Variants in MYBPC1 observed in about 807,000 individuals in gnomAD.
The protein encoded by MYBPC1 is myosin-binding protein C, slow-type.
MYBPC1 carries 52 observed loss-of-function variants against 147.1 expected under a neutral mutation model. The ratio of observed to expected loss-of-function variants is 0.35; its 90% CI spans 0.28 to 0.45. MYBPC1 has a LOEUF of 0.45. MYBPC1 is among the 20% of genes least tolerant of loss of function. The pLI is 1.00. For synonymous variants in MYBPC1, 477 were observed against 475.9 expected (o/e 1.00, Z -0.03); for missense variants, 1,228 against 1,440.3 (o/e 0.85, Z 2.39).
intron 29 of MYBPC1, among the ~76,000 whole-genome samples, chr12:101,682,121 C>A (rs1453818401): frequency 3.3e-5 from 5 of 151,834 alleles, no homozygotes. Context: ...AATTGCAAGT[C>A]ATCTGGTTTC....
chr12:101,632,477 G>A (rs1890113602), intron 8 of MYBPC1, among the ~76,000 whole-genome samples: 1 of 152,142 alleles, frequency 6.6e-6, no homozygotes, highest in Non-Finnish European at 1.5e-5. Context: ...AGGGTAATAT[G>A]CTATGAGAGT....
intron 15 of MYBPC1, among the ~76,000 whole-genome samples, chr12:101,650,377 C>G (rs825048): frequency 0.58 from 87,475 of 151,810 alleles, 26,147 homozygotes; most frequent in African/African-American, 0.74. Flanking sequence ...AAGGAAAAAG[C>G]TTCAGTTGAC....
Position 101,595,059 on chromosome 12 carries a change from C to T in MYBPC1, c.-12C>T. 6.2e-7 allele frequency: 1 copy of T among 1,612,838 alleles called. No homozygotes were observed. Among genetic ancestry groups the T allele is most frequent in the Non-Finnish European group, 8.5e-7 (1 of 1,179,016 alleles). ...AAGGAGACTCTTTAAAGAATAACAT[C>T]TTATTGTGGCCATGCCAGAACCCAC... is the stretch of plus-strand genomic sequence containing the variant. On this transcript the variant is annotated 5_prime_UTR_variant, in exon 1 of 32. Transcript: ENST00000361466.
chr12:101,673,709 T>C, intron 25 of MYBPC1, 87 bp downstream of exon 25: 2 of 1,419,826 alleles, frequency 1.4e-6, no homozygotes, highest in Non-Finnish European at 2.0e-6. Flanking sequence ...GCAGGAGTTT[T>C]GTTAGGCTGG....
chr12:101,668,155 G>T (rs768828180), intron 23 of MYBPC1, among the ~76,000 whole-genome samples: 8 of 152,140 alleles, frequency 5.3e-5, no homozygotes, highest in Non-Finnish European at 8.8e-5. Flanking sequence ...GCCAACTCTG[G>T]CTGGGCTGCC....
the MYBPC1 span, among the ~76,000 whole-genome samples, chr12:101,692,022 A>T: frequency 6.6e-6 from 1 of 152,222 alleles, no homozygotes; most frequent in Non-Finnish European, 1.5e-5. Context: ...GTGGAATCTG[A>T]GTGATGGGCA....
rs923087453 is a variant in MYBPC1, at chr12:101,631,920, C to T, written c.439-101C>T. 5.4e-6 allele frequency: 7 copies of T among 1,307,998 alleles called. No homozygotes were observed. The African/African-American group carries it at 8.7e-5, about 16-fold the overall frequency. The allele number at this position is 1,307,998 out of a possible 1,614,324, so 81.0% of individuals were successfully genotyped here. On this transcript the variant is annotated intron_variant, in intron 7 of 31. Transcript: ENST00000361466. Reference sequence around the variant, plus strand: ...CACATTTGCCCTCCTATAGTGAGAACATTGTACTGGAATTCCCACAGACAG... The same window carrying T: ...CACATTTGCCCTCCTATAGTGAGAATATTGTACTGGAATTCCCACAGACAG...
At position 101,663,435 on chromosome 12, in the gene MYBPC1, G is replaced by A; in HGVS notation, c.2231G>A (p.Ser744Asn). 3 of 1,613,478 alleles carry A rather than the reference G, an allele frequency of 1.9e-6. No individual in the cohort carries two copies. The highest frequency in any genetic ancestry group is 2.5e-6 in the Non-Finnish European group (3 of 1,179,582). ...SRPFVPLAVT[S>N]PPTLLTVDSV... ...CTCTTTTATCTTTAAGCTGTAACAA[G>A]CCCTCCTACTCTTCTGACTGTGGAC... The change falls in exon 22 of 32, where the codon AGC becomes AAC. Residue 744 changes from serine to asparagine, a missense_variant. By Grantham distance (46) the Ser-to-Asn change is conservative. This residue lies in a region of MYBPC1 where 1,077 missense variants were observed against 1,314.2 expected (regional missense o/e 0.82). Coordinates refer to ENST00000361466, the MANE Select transcript of MYBPC1 (RefSeq NM_002465.4).
chr12:101,617,391 A>G lies in MYBPC1; in HGVS notation c.103+148A>G, dbSNP rs1886374760. 3 of 771,986 alleles carry G rather than the reference A, an allele frequency of 3.9e-6. No homozygotes were observed. The East Asian group carries it at 8.1e-5, about 21-fold the overall frequency. The allele number at this position is 771,986 out of a possible 1,614,324, so 47.8% of individuals were successfully genotyped here. A position where few individuals can be genotyped will look rare whatever the true frequency, so the allele number is the denominator to read the frequency against. On this transcript the variant is annotated intron_variant, in intron 3 of 31. Coordinates refer to ENST00000361466, the MANE Select transcript of MYBPC1 (RefSeq NM_002465.4). ...ATCTTATCTGCAAGTCCCAATCAGT[A>G]TAATGACAAATGGTGCATTGCTAAG...
Position 101,680,426 on chromosome 12 carries a change from C to G in MYBPC1, c.3330C>G (p.Thr1110=), listed in dbSNP as rs368046476. 6.2e-7 allele frequency: 1 copy of G among 1,613,954 alleles called. No homozygotes were observed. The highest frequency in any genetic ancestry group is 8.5e-7 in the Non-Finnish European group (1 of 1,179,984). ...YRMFSNQGVC[T]LEIRKPSPYD... is the part of the protein sequence containing the mutation. ...TGTTCAGCAACCAGGGAGTCTGTAC[C>G]CTGGAAATTCGCAAGCCCAGCCCCT... The change falls in exon 29 of 32, where the codon ACC becomes ACG. Residue 1110 remains threonine (T), a synonymous_variant. Transcript: ENST00000361466.
chr12:101,666,811 T>G, intron 22 of MYBPC1: 1 of 1,610,878 alleles, frequency 6.2e-7, no homozygotes, highest in South Asian at 1.1e-5. Context: ...AAGTATTCCG[T>G]GAAGCTCTCA....
intron 25 of MYBPC1, 73 bp from the exon 26 acceptor site, chr12:101,675,219 A>AT: frequency 6.3e-7 from 1 of 1,586,490 alleles, no homozygotes; most frequent in East Asian, 2.3e-5. Flanking sequence ...GTCTTTTAAA[A>AT]TATCCTCATG....
At chr12:101,627,311 C>T (rs548178678) in intron 4 of MYBPC1, among the ~76,000 whole-genome samples, 3 of 152,198 alleles carry the variant, frequency 2.0e-5, no homozygotes, top group South Asian at 4.2e-4. Context: ...GGTGCTATCT[C>T]GGCTCACTGC....
chr12:101,680,536 C>T lies in MYBPC1; in HGVS notation c.3433+7C>T. ...TGCAAACTGGAGGTGAAAGGTATGA[C>T]ATCCAATATCTCACGTATAGACTAA... On this transcript the variant is annotated splice_region_variant and intron_variant, in intron 29 of 31. Coordinates refer to ENST00000361466, the MANE Select transcript of MYBPC1 (RefSeq NM_002465.4). The T allele has an allele frequency of 6.2e-7, 1 of 1,612,856 alleles. No homozygotes were observed. Among genetic ancestry groups the T allele is most frequent in the Non-Finnish European group, 8.5e-7 (1 of 1,178,948 alleles).
chr12:101,594,995 C>A lies in MYBPC1; in HGVS notation c.-76C>A, dbSNP rs1270068681. ...TGTCACACCGACCTGCACCATCTCT[C>A]GCCTGCCTGTGGGGTTTCTGTCAAC... On this transcript the variant is annotated 5_prime_UTR_variant, in exon 1 of 32. Transcript: ENST00000361466. 2 of 1,450,520 alleles carry A rather than the reference C, an allele frequency of 1.4e-6. No individual in the cohort carries two copies. Among genetic ancestry groups the A allele is most frequent in the Non-Finnish European group, 1.9e-6 (2 of 1,033,324 alleles). The allele number at this position is 1,450,520 out of a possible 1,614,324, so 89.9% of individuals were successfully genotyped here.
intron 28 of MYBPC1, among the ~76,000 whole-genome samples, chr12:101,679,516 G>A (rs1950795183): frequency 6.6e-6 from 1 of 152,100 alleles, no homozygotes; most frequent in Non-Finnish European, 1.5e-5. Flanking sequence ...GAATGCAGAG[G>A]GTGCATATTT....
chr12:101,646,978 C>G, intron 13 of MYBPC1, 91 bp downstream of exon 13: 1 of 1,501,400 alleles, frequency 6.7e-7, no homozygotes, highest in South Asian at 1.1e-5. Flanking sequence ...TGAGGCTCCT[C>G]TACACTGGCA....
chr12:101,622,305 C>G (rs1441200613), intron 3 of MYBPC1, among the ~76,000 whole-genome samples: 2 of 152,032 alleles, frequency 1.3e-5, no homozygotes, highest in African/African-American at 2.4e-5. Context: ...AAATAAGAAC[C>G]ATTAAACATT....
chr12:101,626,088 C>CAAAAAAAAAAA (rs769008600), intron 3 of MYBPC1, among the ~76,000 whole-genome samples: 618 of 54,682 alleles, frequency 0.011, 9 homozygotes, highest in East Asian at 0.026. Context: ...AACTCTGTCT[C>CAAAAAAAAAAA]AAAAAAAAAA....
Sources: gnomAD v4.1 joint callset for allele counts (sites outside exome capture counted in the v4.1 genomes callset) on GRCh38, gnomAD v4.1.1 for gene constraint, gnomAD v4.1.1 regional missense constraint, MANE v1.5 for transcripts, NCBI Gene and HGNC (gene_info 2026-07-23, HGNC 2026-07-21) for gene names.